The following HSP90AB1 variants were observed in gnomAD, a reference collection of about 807,000 sequenced individuals.
HSP90AB1 encodes the protein heat shock protein HSP 90-beta.
Under a neutral mutation model 67.8 loss-of-function variants are expected in HSP90AB1, and 17 were observed. The ratio of observed to expected loss-of-function variants is 0.25; its 90% confidence interval spans 0.17 to 0.38. The LOEUF is 0.38. Among genes scored for constraint, HSP90AB1 ranks in the 10% least tolerant of loss-of-function variants. HSP90AB1 has a pLI of 1.00. For missense variants in HSP90AB1, 690 were observed against 899.9 expected (o/e 0.77, Z 2.98); for synonymous variants, 390 against 312.9 (o/e 1.25, Z -2.60).
chr6:44,248,835 G>A, intron 2 of HSP90AB1, 59 bp downstream of exon 2: 1 of 1,513,524 alleles, frequency 6.6e-7, no homozygotes, highest in Non-Finnish European at 9.0e-7. Context: ...CTAGAAGGAG[G>A]GGAAAGGAGT....
In HSP90AB1 at chr6:44,250,545, T is replaced by C. The variant is rs769326175; in HGVS notation, c.903T>C (p.Tyr301=). Residue 301 remains tyrosine (Y), a synonymous_variant, in exon 6 of 12, where the codon TAT becomes TAC. Coordinates refer to ENST00000371646, the MANE Select transcript of HSP90AB1 (RefSeq NM_007355.4). Reference sequence around the variant, plus strand: ...CTGATGACATCACCCAAGAGGAGTATGGAGAATTCTACAAGAGCCTCACTA... The same window carrying C: ...CTGATGACATCACCCAAGAGGAGTACGGAGAATTCTACAAGAGCCTCACTA... ...RNPDDITQEE[Y]GEFYKSLTND... The C allele has an allele frequency of 1.7e-5, 28 of 1,613,802 alleles. No homozygotes were observed. Among genetic ancestry groups the C allele is most frequent in the Non-Finnish European group, 2.4e-5 (28 of 1,179,886 alleles).
rs1396570299 is a variant in HSP90AB1 at position 44,250,017 on chromosome 6, C to G, written c.515-4C>G. 6.8e-6 allele frequency: 11 copies of G among 1,614,068 alleles called. No individual in the cohort carries two copies. The highest frequency in any genetic ancestry group is 8.5e-6 in the Non-Finnish European group (10 of 1,179,930). On this transcript the variant is annotated splice_polypyrimidine_tract_variant and splice_region_variant and intron_variant, in intron 4 of 11. Transcript: ENST00000371646. ...TGTTACACGCTTGTAATTGACTCTT[C>G]TAGGTGAGCCCATTGGCAGGGGTAC...
chr6:44,251,041 C>G lies in HSP90AB1; in HGVS notation c.958-7C>G. On this transcript the variant is annotated splice_region_variant and splice_polypyrimidine_tract_variant and intron_variant, in intron 6 of 11. Transcript: ENST00000371646. ...GAAATGTACCACTTATTTTTGGTTTCTTTCAGCACTTTTCTGTAGAAGGTC... is the reference window on the plus strand; with the variant it reads ...GAAATGTACCACTTATTTTTGGTTTGTTTCAGCACTTTTCTGTAGAAGGTC... The G allele has an allele frequency of 1.2e-6, 2 of 1,613,414 alleles. No individual in the cohort carries two copies. Among genetic ancestry groups the G allele is most frequent in the Non-Finnish European group, 1.7e-6 (2 of 1,179,578 alleles).
chr6:44,249,860 T>G (rs781604986), intron 4 of HSP90AB1, 26 bp downstream of exon 4: 7 of 1,598,310 alleles, frequency 4.4e-6, no homozygotes, highest in Non-Finnish European at 6.0e-6. Flanking sequence ...TGTTACAAGG[T>G]AGTTGGGTTA....
At position 44,251,809 on chromosome 6, in the gene HSP90AB1, G is replaced by A; in HGVS notation, c.1387G>A (p.Gly463Arg). ...GCTGCGCTATCATACCTCCCAGTCTGGAGATGAGATGACATCTCTGTCAGA... is the reference window on the plus strand; with the variant it reads ...GCTGCGCTATCATACCTCCCAGTCTAGAGATGAGATGACATCTCTGTCAGA... ...ELLRYHTSQS[G>R]DEMTSLSEYV... The change falls in exon 9 of 12, where the codon GGA (glycine) becomes AGA (arginine). Residue 463 changes from glycine (G) to arginine (R), a missense_variant. By Grantham distance (125) the Gly-to-Arg change is moderately radical. Coordinates refer to ENST00000371646, the MANE Select transcript of HSP90AB1 (RefSeq NM_007355.4). The A allele has an allele frequency of 6.2e-7, 1 of 1,613,166 alleles. No individual in the cohort carries two copies. Among genetic ancestry groups the A allele is most frequent in the Non-Finnish European group, 8.5e-7 (1 of 1,179,990 alleles).
Position 44,253,279 on chromosome 6 carries a change from G to C in HSP90AB1, c.1966G>C (p.Val656Leu). 1.2e-6 allele frequency: 2 copies of C among 1,614,214 alleles called. No homozygotes were observed. The highest frequency in any genetic ancestry group is 2.7e-5 in the African/African-American group (2 of 75,062). The change falls in exon 11 of 12, where the codon GTG becomes CTG. Residue 656 changes from valine (V) to leucine (L), a missense_variant. Val to Leu is a conservative substitution (Grantham distance 32, BLOSUM62 1). This residue lies in a region of HSP90AB1 where 120 missense variants were observed against 153.5 expected (regional missense o/e 0.78). Transcript: ENST00000371646. ...KNDKAVKDLV[V>L]LLFETALLSS... ...TGATAAGGCAGTTAAGGACCTGGTGGTGCTGCTGTTTGAAACCGCCCTGCT... is the reference window on the plus strand; with the variant it reads ...TGATAAGGCAGTTAAGGACCTGGTGCTGCTGCTGTTTGAAACCGCCCTGCT...
At chr6:44,253,408 GGAGTTTGT>G (rs35514098) in intron 11 of HSP90AB1, 30 bp downstream of exon 11, 208,363 of 1,608,092 alleles carry the variant, frequency 0.13, 14,370 homozygotes, top group Middle Eastern at 0.2. Context: ...GGTGTGGCAA[GGAGTTTGT>G]GCAACTCGTC....
intron 6 of HSP90AB1, 98 bp from the exon 7 acceptor site, chr6:44,250,950 A>T (rs1582985265): frequency 1.9e-6 from 2 of 1,068,568 alleles, no homozygotes; most frequent in East Asian, 4.7e-5. Context: ...TCTATCCCTT[A>T]GGCTTAGGGA....
intron 10 of HSP90AB1, 138 bp downstream of exon 10, chr6:44,252,405 A>C: frequency 1.3e-6 from 1 of 767,136 alleles, no homozygotes; most frequent in Non-Finnish European, 2.1e-6. Flanking sequence ...TCTCTTCTCT[A>C]GTCAGGTTTA....
At chr6:44,251,303 C>A in intron 7 of HSP90AB1, 90 bp downstream of exon 7, 1 of 1,539,594 alleles carries the variant, frequency 6.5e-7, no homozygotes, top group Non-Finnish European at 9.0e-7. Context: ...CAGTTTTCTG[C>A]AATACATAGT....
rs752247225 is a variant in HSP90AB1 at position 44,251,590 on chromosome 6, A to G, written c.1296A>G (p.Ala432=). Residue 432 remains alanine, a synonymous_variant, in exon 8 of 12, where the codon GCA becomes GCG. Coordinates refer to ENST00000371646, the MANE Select transcript of HSP90AB1 (RefSeq NM_007355.4). ...AGAATTACAAGAAATTCTATGAGGC[A>G]TTCTCTAAAAATCTCAAGGTAAAAA... ...DKENYKKFYE[A]FSKNLKLGIH... The G allele has an allele frequency of 6.2e-7, 1 of 1,604,402 alleles. No homozygotes were observed. The highest frequency in any genetic ancestry group is 1.7e-5 in the Admixed American group (1 of 58,752).
At chr6:44,246,856 C>T (rs35336968), upstream of HSP90AB1, among the ~76,000 whole-genome samples, 1 of 152,182 alleles carries the variant, frequency 6.6e-6, no homozygotes, top group Non-Finnish European at 1.5e-5. Context: ...TCCTCATCCC[C>T]GCTCTTGATG....
Position 44,250,388 on chromosome 6 carries a change from A to G in HSP90AB1, c.746A>G (p.Lys249Arg). 6.2e-7 allele frequency: 1 copy of G among 1,613,540 alleles called. No individual in the cohort carries two copies. The highest frequency in any genetic ancestry group is 8.5e-7 in the Non-Finnish European group (1 of 1,179,578). Residue 249 changes from lysine to arginine, a missense_variant, in exon 6 of 12, where the codon AAG becomes AGG. Transcript: ENST00000371646. ...EEDKDDEEKP[K>R]IEDVGSDEED... ...GATAAAGATGATGAAGAAAAACCCA[A>G]GATCGAAGATGTGGGTTCAGATGAG...
chr6:44,250,975 C>CT, intron 6 of HSP90AB1, 73 bp from the exon 7 acceptor site: 1 of 1,321,016 alleles, frequency 7.6e-7, no homozygotes, highest in South Asian at 1.2e-5. Context: ...CATTGTTCCA[C>CT]TTTTAGATAA....
At position 44,251,850 on chromosome 6, in the gene HSP90AB1, G is replaced by A. The variant is rs775285901; in HGVS notation, c.1428G>A (p.Met476Ile). The change falls in exon 9 of 12, where the codon ATG becomes ATA. Residue 476 changes from methionine to isoleucine, a missense_variant. Around this residue, in one of 7 missense-constraint regions of HSP90AB1, gnomAD observed 206 missense variants for 221.4 expected, o/e 0.93. Transcript: ENST00000371646. ...MTSLSEYVSRMKETQKSIYYI... is the reference protein window; with the variant it reads ...MTSLSEYVSRIKETQKSIYYI... ...CTCTGTCAGAGTATGTTTCTCGCAT[G>A]AAGGAGACACAGAAGTCCATCTATT... 18 of 1,612,906 alleles carry A rather than the reference G, an allele frequency of 1.1e-5. No homozygotes were observed. The highest frequency in any genetic ancestry group is 5.3e-5 in the African/African-American group (4 of 74,900).
chr6:44,249,318 CA>C, intron 2 of HSP90AB1, 58 bp from the exon 3 acceptor site: 1 of 1,408,352 alleles, frequency 7.1e-7, no homozygotes, highest in Admixed American at 1.7e-5. Flanking sequence ...GTAGCTTGGG[CA>C]ACAGAGCAAG....
chr6:44,246,861 TTGA>T (rs887755972), upstream of HSP90AB1, among the ~76,000 whole-genome samples: 1 of 152,222 alleles, frequency 6.6e-6, no homozygotes, highest in African/African-American at 2.4e-5. Context: ...ATCCCCGCTC[TTGA>T]TGGAGTCATG....
intron 1 of HSP90AB1, among the ~76,000 whole-genome samples, chr6:44,247,645 T>C (rs1028295393): frequency 2.6e-5 from 4 of 152,208 alleles, no homozygotes; most frequent in African/African-American, 7.2e-5. Flanking sequence ...GTTAAAGCCT[T>C]CTTGGGTGCT....
chr6:44,247,635 GT>G (rs1339491911), intron 1 of HSP90AB1, among the ~76,000 whole-genome samples: 7 of 152,244 alleles, frequency 4.6e-5, no homozygotes. Context: ...CGGACGCGTT[GT>G]TAAAGCCTTC....
Sources: gnomAD v4.1 joint callset for allele counts (sites outside exome capture counted in the v4.1 genomes callset) on GRCh38, gnomAD v4.1.1 for gene constraint, gnomAD v4.1.1 regional missense constraint, MANE v1.5 for transcripts, NCBI Gene and HGNC (gene_info 2026-07-23, HGNC 2026-07-21) for gene names.